ESYT2: variants seen among roughly 807,000 people sequenced by gnomAD.
ESYT2 encodes the protein extended synaptotagmin-2.
A neutral mutation model predicts 107.2 loss-of-function variants in ESYT2; 54 were observed. The observed-to-expected ratio is 0.50, with a 90% confidence interval of 0.40 to 0.63. The LOEUF (loss-of-function observed/expected upper bound fraction) is 0.63. ESYT2 is among the 30% of genes least tolerant of loss of function. The pLI is 0.00. For missense variants in ESYT2, 1,020 were observed against 1,094.5 expected, an observed-to-expected ratio of 0.93 and a Z score of 0.96; for synonymous variants, 491 against 434.1, an observed-to-expected ratio of 1.13 and a Z score of -1.63.
intron 1 of ESYT2, among the ~76,000 whole-genome samples, chr7:158,812,510 G>A (rs1340951966): frequency 2.0e-5 from 3 of 152,196 alleles, no homozygotes; most frequent in Non-Finnish European, 2.9e-5. Flanking sequence ...TTGCTGGGGA[G>A]AATGTAAAAT....
chr7:158,764,526 A>G lies in ESYT2; in HGVS notation c.1101+151T>C, dbSNP rs1323611921. The stretch of plus-strand genomic sequence containing the variant: ...GTGTAGTAAGGAGAGAAGGTACGAC[A>G]CTTTTTAAAGATGGGAAATTAAACA... On this transcript the variant is annotated intron_variant, in intron 9 of 22. Coordinates refer to ENST00000275418, the MANE Select transcript of ESYT2 (RefSeq NM_001367773.1). The G allele has an allele frequency of 6.1e-6, 5 of 816,966 alleles. No homozygotes were observed. The South Asian group carries it at 9.4e-5, about 15-fold the overall frequency. 50.6% of individuals were successfully genotyped at this position (816,966 alleles called of 1,614,324 possible).
chr7:158,770,105 G>A lies in ESYT2; in HGVS notation c.804-2331C>T, dbSNP rs187145429. 9.2e-5 allele frequency among the ~76,000 whole-genome samples: 14 copies of A among 151,938 alleles called. No homozygotes were observed. In the East Asian group the frequency reaches 2.5e-3, roughly 27 times the overall value. On this transcript the variant is annotated intron_variant, in intron 7 of 22. Transcript: ENST00000275418. ...GGGATTTCACTATGTTGGCTAGGTT[G>A]GTCTCAAACTCCCGACCTCAGGCGA... is the stretch of plus-strand genomic sequence containing the variant.
At chr7:158,761,377 C>A (rs982386918) in intron 11 of ESYT2, 119 bp downstream of exon 11, 3 of 788,290 alleles carry the variant, frequency 3.8e-6, no homozygotes, top group Non-Finnish European at 6.5e-6. Flanking sequence ...GTTGTTCATG[C>A]CATACTAATT....
intron 6 of ESYT2, among the ~76,000 whole-genome samples, chr7:158,785,309 C>T (rs1839070050): frequency 6.6e-6 from 1 of 152,068 alleles, no homozygotes; most frequent in Admixed American, 6.6e-5. Context: ...CCTGTAATCT[C>T]AGCTGCTCTG....
chr7:158,795,585 CACGT>C lies in ESYT2; in HGVS notation c.508-1863_508-1860del, dbSNP rs766676019. Among the ~76,000 whole-genome samples, 435 of 116,322 alleles carry C rather than the reference CACGT, an allele frequency of 3.7e-3. 1 individual carries two copies. The highest frequency in any genetic ancestry group is 0.017 in the Middle Eastern group (4 of 240). The allele number at this position is 116,322 out of a possible 152,430, so 76.3% of individuals were successfully genotyped here. ...AGCAGGACAATGCAGCCCCTGCGGCCACGTACAGACAGAGCATGCAGCCCCTGCG... is the reference window on the plus strand; with the variant it reads ...AGCAGGACAATGCAGCCCCTGCGGCCACAGACAGAGCATGCAGCCCCTGCG... On this transcript the variant is annotated intron_variant, in intron 3 of 22. Coordinates refer to ENST00000275418, the MANE Select transcript of ESYT2 (RefSeq NM_001367773.1).
At chr7:158,800,771 G>C (rs34245833) in intron 1 of ESYT2, among the ~76,000 whole-genome samples, 15,688 of 143,808 alleles carry the variant, frequency 0.11, 892 homozygotes, top group African/African-American at 0.14. Context: ...CTCTGTCATC[G>C]ACGCTGGAGT....
At chr7:158,773,528 T>A (rs1165093903) in intron 6 of ESYT2, 132 bp from the exon 7 acceptor site, 17 of 723,968 alleles carry the variant, frequency 2.3e-5, no homozygotes, top group Non-Finnish European at 3.3e-5. Flanking sequence ...TCATCCTTCG[T>A]AATATACCAA....
intron 1 of ESYT2, among the ~76,000 whole-genome samples, chr7:158,815,944 T>G (rs1840138713): frequency 6.6e-6 from 1 of 152,150 alleles, no homozygotes; most frequent in Non-Finnish European, 1.5e-5. Flanking sequence ...TCCTGAATAC[T>G]CCAAGAAACA....
At chr7:158,761,237 T>C (rs1837948414) in intron 11 of ESYT2, among the ~76,000 whole-genome samples, 1 of 152,256 alleles carries the variant, frequency 6.6e-6, no homozygotes, top group African/African-American at 2.4e-5. Flanking sequence ...ATAACGTCAG[T>C]TTATGCTTCA....
chr7:158,798,600 C>A (rs1839540083), intron 2 of ESYT2, among the ~76,000 whole-genome samples: 1 of 118,650 alleles, frequency 8.4e-6, no homozygotes, highest in Non-Finnish European at 1.6e-5. Flanking sequence ...GAACCGAGAT[C>A]ATGCCATTGC....
Position 158,783,339 on chromosome 7 carries a change from T to G in ESYT2, c.747+4665A>C, listed in dbSNP as rs111381234. ...ACGTTTACAATTCCAGGGCAGCTGCTTGGCACCTGACCAGTGCTGTATGCC... is the reference window on the plus strand; with the variant it reads ...ACGTTTACAATTCCAGGGCAGCTGCGTGGCACCTGACCAGTGCTGTATGCC... On this transcript the variant is annotated intron_variant, in intron 6 of 22. Coordinates refer to ENST00000275418, the MANE Select transcript of ESYT2 (RefSeq NM_001367773.1). Among the ~76,000 whole-genome samples, 744 of 152,284 alleles carry G rather than the reference T, an allele frequency of 4.9e-3. 3 individuals are homozygous for G. Among genetic ancestry groups the G allele is most frequent in the African/African-American group, 0.017 (715 of 41,564 alleles).
intron 1 of ESYT2, among the ~76,000 whole-genome samples, chr7:158,805,481 C>G (rs1839797893): frequency 6.6e-6 from 1 of 152,190 alleles, no homozygotes; most frequent in Non-Finnish European, 1.5e-5. Context: ...AAATTACTAC[C>G]TCCAATAGTA....
intron 6 of ESYT2, among the ~76,000 whole-genome samples, chr7:158,774,360 G>A (rs1190815368): frequency 6.6e-6 from 1 of 152,094 alleles, no homozygotes; most frequent in African/African-American, 2.4e-5. Context: ...ACAGAAATGA[G>A]ATATAAATAT....
intron 22 of ESYT2, 28 bp downstream of exon 22, chr7:158,734,394 G>GTTCTCTGTC (rs1291513927): frequency 1.9e-6 from 3 of 1,613,192 alleles, no homozygotes; most frequent in Non-Finnish European, 2.5e-6. Flanking sequence ...ACACACTGGG[G>GTTCTCTGTC]TTCTCTGTCT....
intron 15 of ESYT2, among the ~76,000 whole-genome samples, chr7:158,749,149 C>T (rs1409815148): frequency 6.6e-6 from 1 of 152,064 alleles, no homozygotes; most frequent in East Asian, 1.9e-4. Flanking sequence ...CTCTGTCACC[C>T]AGGCTGAAGT....
At chr7:158,768,839 G>C (rs1272673922) in intron 7 of ESYT2, among the ~76,000 whole-genome samples, 2 of 152,170 alleles carry the variant, frequency 1.3e-5, no homozygotes, top group Non-Finnish European at 2.9e-5. Context: ...GACTAGCCTG[G>C]GCAACACAGA....
chr7:158,769,535 C>T lies in ESYT2; in HGVS notation c.804-1761G>A, dbSNP rs556959446. On this transcript the variant is annotated intron_variant, in intron 7 of 22. Coordinates refer to ENST00000275418, the MANE Select transcript of ESYT2 (RefSeq NM_001367773.1). ...AAGCGTCTATTGAAGTGGTTACTTT[C>T]TTGGGAGTCACTATTTCCCTGTGTG... 1.5e-4 allele frequency among the ~76,000 whole-genome samples: 23 copies of T among 152,354 alleles called. No individual in the cohort carries two copies. The South Asian group carries it at 4.8e-3, about 32-fold the overall frequency.
At chr7:158,735,633 C>T (rs377380277) in intron 20 of ESYT2, 25 bp from the exon 21 acceptor site, 6 of 1,579,180 alleles carry the variant, frequency 3.8e-6, no homozygotes, top group Non-Finnish European at 5.2e-6. Flanking sequence ...GAGAGCCTTA[C>T]TTTATCCATC....
intron 5 of ESYT2, 59 bp from the exon 6 acceptor site, chr7:158,788,152 C>CTTTAA: frequency 6.9e-7 from 1 of 1,441,158 alleles, no homozygotes; most frequent in Non-Finnish European, 9.8e-7. Context: ...GGCCGCTTAA[C>CTTTAA]GCAAGGAGTT....
Sources: gnomAD v4.1 joint callset for allele counts (sites outside exome capture counted in the v4.1 genomes callset) on GRCh38, gnomAD v4.1.1 for gene constraint, MANE v1.5 for transcripts, NCBI Gene and HGNC (gene_info 2026-07-23, HGNC 2026-07-21) for gene names.